The following NCKAP5 variants were observed in gnomAD, a reference collection of about 807,000 sequenced individuals.
The protein encoded by NCKAP5 is NCK associated protein 5.
In NCKAP5, 92 loss-of-function variants were observed where a neutral mutation model predicts 167.0. The ratio of observed to expected loss-of-function variants is 0.55; its 90% CI spans 0.47 to 0.66. The LOEUF (loss-of-function observed/expected upper bound fraction) is 0.66, where lower values mean the gene tolerates loss of function less well. Among genes scored for constraint, NCKAP5 ranks in the 30% least tolerant of loss-of-function variants. NCKAP5 has a pLI of 0.00. For synonymous variants in NCKAP5, 891 were observed against 877.4 expected (o/e 1.02, Z -0.27); for missense variants, 2,378 against 2,315.0 (o/e 1.03, Z -0.56).
intron 5 of NCKAP5, among the ~76,000 whole-genome samples, chr2:133,205,333 A>G (rs1574374137): frequency 1.3e-5 from 2 of 149,190 alleles, no homozygotes; most frequent in East Asian, 2.0e-4. Flanking sequence ...ACAGATAGAT[A>G]AAGATAGATA....
chr2:132,785,859 T>A, intron 13 of NCKAP5, 141 bp from the exon 14 acceptor site: 1 of 591,372 alleles, frequency 1.7e-6, no homozygotes, highest in Non-Finnish European at 2.6e-6. Flanking sequence ...ATTAGCTAAT[T>A]AATTTATTCA....
At chr2:133,226,504 A>T (rs1039979148) in intron 4 of NCKAP5, among the ~76,000 whole-genome samples, 2 of 152,014 alleles carry the variant, frequency 1.3e-5, no homozygotes, top group African/African-American at 2.4e-5. Context: ...CTTTAGAGAT[A>T]GGGGCCTTTA....
chr2:132,776,660 C>A (rs1421264949), intron 15 of NCKAP5, among the ~76,000 whole-genome samples: 1 of 151,976 alleles, frequency 6.6e-6, no homozygotes, highest in Non-Finnish European at 1.5e-5. Flanking sequence ...TTCTAATTAT[C>A]CATACAAATA....
At chr2:133,109,030 A>C (rs954954166) in intron 6 of NCKAP5, among the ~76,000 whole-genome samples, 1 of 152,200 alleles carries the variant, frequency 6.6e-6, no homozygotes, top group African/African-American at 2.4e-5. Context: ...CTTCTTCCAC[A>C]TCTTGTTAAG....
At chr2:133,454,200 A>G (rs1308916018) in intron 3 of NCKAP5, among the ~76,000 whole-genome samples, 1 of 152,086 alleles carries the variant, frequency 6.6e-6, no homozygotes, top group African/African-American at 2.4e-5. Context: ...AGGGCAGCAT[A>G]TGTACAATGG....
intron 4 of NCKAP5, among the ~76,000 whole-genome samples, chr2:133,258,418 C>G (rs896067124): frequency 5.9e-5 from 9 of 152,284 alleles, no homozygotes; most frequent in African/African-American, 2.2e-4. Flanking sequence ...ATAGCCTCTA[C>G]AAACAGCCCC....
intron 6 of NCKAP5, among the ~76,000 whole-genome samples, chr2:133,124,710 T>C (rs979431842): frequency 2.0e-5 from 3 of 152,206 alleles, no homozygotes; most frequent in Non-Finnish European, 4.4e-5. Flanking sequence ...ACGGTGTTAC[T>C]AGGCACACAA....
chr2:133,671,214 C>CAAAAAAAA, the NCKAP5 span, among the ~76,000 whole-genome samples: 1 of 53,986 alleles, frequency 1.9e-5, no homozygotes, highest in Non-Finnish European at 3.7e-5. Flanking sequence ...GACTCCGTCT[C>CAAAAAAAA]AAAAAAAAAA....
At chr2:132,867,039 G>A (rs1022738222) in intron 10 of NCKAP5, among the ~76,000 whole-genome samples, 1 of 152,048 alleles carries the variant, frequency 6.6e-6, no homozygotes, top group Non-Finnish European at 1.5e-5. Context: ...TCTCACAGTA[G>A]CATGTCTTTC....
At chr2:133,061,192 A>C (rs546805657) in intron 6 of NCKAP5, among the ~76,000 whole-genome samples, 4 of 152,324 alleles carry the variant, frequency 2.6e-5, no homozygotes, top group Non-Finnish European at 4.4e-5. Flanking sequence ...ATTTGGACAA[A>C]GAATTTAGAG....
chr2:133,486,987 C>T (rs1000933315), intron 3 of NCKAP5, among the ~76,000 whole-genome samples: 4 of 152,144 alleles, frequency 2.6e-5, no homozygotes, highest in African/African-American at 9.7e-5. Flanking sequence ...CCCTGGAAAA[C>T]TCAGCCCAGC....
chr2:133,430,039 C>T (rs539194014), intron 3 of NCKAP5, among the ~76,000 whole-genome samples: 8 of 152,074 alleles, frequency 5.3e-5, no homozygotes, highest in Non-Finnish European at 1.2e-4. Flanking sequence ...GATGGTATCT[C>T]ATTGTGGTTT....
At chr2:133,287,978 C>T (rs953577130) in intron 4 of NCKAP5, among the ~76,000 whole-genome samples, 36 of 152,282 alleles carry the variant, frequency 2.4e-4, no homozygotes, top group Non-Finnish European at 5.0e-4. Context: ...TCCAAACATG[C>T]TTGGTTTTAC....
chr2:132,996,675 T>A (rs1254541138), intron 6 of NCKAP5, among the ~76,000 whole-genome samples: 1 of 152,238 alleles, frequency 6.6e-6, no homozygotes, highest in South Asian at 2.1e-4. Flanking sequence ...ACATTTGGTA[T>A]AGGACTATGC....
chr2:132,837,377 A>C (rs945369829), intron 11 of NCKAP5, among the ~76,000 whole-genome samples: 61 of 151,970 alleles, frequency 4.0e-4, no homozygotes, highest in African/African-American at 1.4e-3. Context: ...TTATGGCTAC[A>C]CTGATCCTTT....
intron 6 of NCKAP5, among the ~76,000 whole-genome samples, chr2:133,087,772 G>T (rs1441459114): frequency 2.0e-5 from 3 of 152,140 alleles, no homozygotes; most frequent in Non-Finnish European, 4.4e-5. Flanking sequence ...AACCCAGAAT[G>T]GTAATGCACA....
At chr2:133,368,973 C>T (rs1574815646) in intron 3 of NCKAP5, among the ~76,000 whole-genome samples, 1 of 152,198 alleles carries the variant, frequency 6.6e-6, no homozygotes. Flanking sequence ...TATTTGTTTC[C>T]ACAAGGACAT....
chr2:133,026,876 G>T (rs1435743400), intron 6 of NCKAP5, among the ~76,000 whole-genome samples: 2 of 152,170 alleles, frequency 1.3e-5, no homozygotes, highest in African/African-American at 4.8e-5. Context: ...GTCCAGCCAG[G>T]ATTCAGCGAG....
chr2:133,656,401 C>A, the NCKAP5 span, among the ~76,000 whole-genome samples: 1 of 152,206 alleles, frequency 6.6e-6, no homozygotes, highest in Admixed American at 6.5e-5. Context: ...TCGCTAAGTG[C>A]TCCGTAAGTA....
Sources: allele counts gnomAD v4.1 joint callset (sites outside exome capture counted in the v4.1 genomes callset), GRCh38; gene constraint gnomAD v4.1.1; transcripts MANE v1.5; gene names NCBI Gene and HGNC (gene_info 2026-07-23, HGNC 2026-07-21).